The following EEA1 variants were observed in gnomAD, a reference collection of about 807,000 sequenced individuals.
The protein encoded by EEA1 is early endosome antigen 1, 162kD.
Under a neutral mutation model 209.2 loss-of-function variants are expected in EEA1, and 111 were observed. The ratio of observed to expected loss-of-function variants is 0.53; its 90% CI spans 0.45 to 0.62. EEA1 has a LOEUF of 0.62. Ranked by LOEUF, EEA1 falls within the 20% of genes least tolerant of loss-of-function variation. EEA1 has a pLI of 0.00. For synonymous variants in EEA1, 536 were observed against 540.6 expected, an observed-to-expected ratio of 0.99 and a Z score of 0.12; for missense variants, 1,343 against 1,530.8, an observed-to-expected ratio of 0.88 and a Z score of 2.05.
At chr12:92,840,413 A>T (rs1385030611) in intron 10 of EEA1, among the ~76,000 whole-genome samples, 1 of 152,130 alleles carries the variant, frequency 6.6e-6, no homozygotes, top group Non-Finnish European at 1.5e-5. Context: ...CCCATGTTCA[A>T]GTGATTCTCC....
In EEA1 at chr12:92,787,998, G is replaced by C; in HGVS notation, c.3019C>G (p.Leu1007Val). 1.2e-6 allele frequency: 2 copies of C among 1,610,670 alleles called. No homozygotes were observed. Among genetic ancestry groups the C allele is most frequent in the Non-Finnish European group, 1.7e-6 (2 of 1,178,406 alleles). Residue 1007 changes from leucine to valine, a missense_variant, in exon 22 of 29, where the codon CTT becomes GTT. Transcript: ENST00000322349. ...GATATTTTCTCTTTCTCTGCTGCAAGTTCCTGGGCTGCCTGTGTTAACTGC... is the reference window on the plus strand; with the variant it reads ...GATATTTTCTCTTTCTCTGCTGCAACTTCCTGGGCTGCCTGTGTTAACTGC... ...QQQLTQAAQE[L>V]AAEKEKISVL...
intron 21 of EEA1, among the ~76,000 whole-genome samples, chr12:92,791,457 AC>A (rs1379849716): frequency 1.3e-5 from 2 of 152,190 alleles, no homozygotes; most frequent in African/African-American, 4.8e-5. Context: ...AAGCAAAAAA[AC>A]ACCAGGGGTT....
intron 20 of EEA1, among the ~76,000 whole-genome samples, chr12:92,801,166 A>G (rs966329386): frequency 6.6e-6 from 1 of 152,160 alleles, no homozygotes; most frequent in Non-Finnish European, 1.5e-5. Flanking sequence ...ATACATTAGT[A>G]TGTGTATAAA....
At chr12:92,786,833 T>C (rs1423587548) in intron 22 of EEA1, among the ~76,000 whole-genome samples, 1 of 152,242 alleles carries the variant, frequency 6.6e-6, no homozygotes, top group Non-Finnish European at 1.5e-5. Context: ...CCAATCATCT[T>C]TGCTAGGCAT....
chr12:92,778,731 A>C (rs1316286312), intron 25 of EEA1, among the ~76,000 whole-genome samples: 1 of 152,094 alleles, frequency 6.6e-6, no homozygotes, highest in Non-Finnish European at 1.5e-5. Context: ...GACTTTGTTC[A>C]TCATAATTTC....
chr12:92,805,294 C>T (rs1035752996), intron 18 of EEA1, among the ~76,000 whole-genome samples: 3 of 151,976 alleles, frequency 2.0e-5, no homozygotes, highest in African/African-American at 4.8e-5. Context: ...CTATAACCTC[C>T]GATTCAAAGC....
chr12:92,903,455 A>G (rs1009535107), intron 1 of EEA1, among the ~76,000 whole-genome samples: 1 of 151,674 alleles, frequency 6.6e-6, no homozygotes, highest in East Asian at 2.0e-4. Flanking sequence ...AAAATTAGCC[A>G]GGCGTGGTGG....
chr12:92,903,842 C>T (rs4322435), intron 1 of EEA1, among the ~76,000 whole-genome samples: 93,762 of 151,898 alleles, frequency 0.62, 29,691 homozygotes, highest in East Asian at 0.94. Context: ...TTTTTTGTTG[C>T]TACTTTTCCC....
intron 10 of EEA1, chr12:92,835,289 C>T (rs1876866426): frequency 4.6e-6 from 1 of 217,000 alleles, no homozygotes; most frequent in Non-Finnish European, 9.6e-6. Flanking sequence ...TTAAAATATG[C>T]TACAAAAATT....
At chr12:92,908,716 C>T (rs769412821) in intron 1 of EEA1, among the ~76,000 whole-genome samples, 2 of 151,882 alleles carry the variant, frequency 1.3e-5, no homozygotes, top group African/African-American at 2.4e-5. Context: ...AAAACATTTG[C>T]TAATGTTAAG....
rs879613161 is a variant in EEA1, at chr12:92,826,255, A to G, written c.1435T>C (p.Leu479=). The G allele has an allele frequency of 6.2e-7, 1 of 1,612,692 alleles. No individual in the cohort carries two copies. The highest frequency in any genetic ancestry group is 8.5e-7 in the Non-Finnish European group (1 of 1,179,088). The change falls in exon 13 of 29, where the codon TTG becomes CTG. Residue 479 remains leucine (L), a synonymous_variant. Coordinates refer to ENST00000322349, the MANE Select transcript of EEA1 (RefSeq NM_003566.4). ...TTTGTTTTATCTAATTGATGCTGCA[A>G]TTCTGTAGAATTTGTAACTTTTTCC... ...LKEKVTNSTE[L]QHQLDKTKQQ...
chr12:92,799,136 C>A, intron 20 of EEA1, 50 bp from the exon 21 acceptor site: 1 of 1,435,954 alleles, frequency 7.0e-7, no homozygotes. Context: ...ATTCAAAAGA[C>A]GATGTACTGA....
chr12:92,845,466 G>C (rs913170397), intron 9 of EEA1, among the ~76,000 whole-genome samples: 2 of 152,114 alleles, frequency 1.3e-5, no homozygotes, highest in Non-Finnish European at 2.9e-5. Context: ...GAAGTTCAAA[G>C]ATCTCTATTC....
At chr12:92,819,749 T>C (rs1177734372) in intron 13 of EEA1, among the ~76,000 whole-genome samples, 1 of 152,134 alleles carries the variant, frequency 6.6e-6, no homozygotes, top group Admixed American at 6.6e-5. Flanking sequence ...CCACGTTTTT[T>C]TTCTAACACT....
intron 2 of EEA1, among the ~76,000 whole-genome samples, chr12:92,865,403 A>T (rs1328093254): frequency 3.3e-5 from 5 of 151,772 alleles, no homozygotes; most frequent in African/African-American, 1.2e-4. Flanking sequence ...AAGATGAACC[A>T]CTGAGGGGGA....
At chr12:92,883,435 T>C (rs1879245144) in intron 2 of EEA1, among the ~76,000 whole-genome samples, 1 of 152,172 alleles carries the variant, frequency 6.6e-6, no homozygotes, top group African/African-American at 2.4e-5. Context: ...TTGTCAATTT[T>C]TGATTTTGTT....
At chr12:92,895,017 A>G (rs1265530963) in intron 1 of EEA1, among the ~76,000 whole-genome samples, 3 of 152,026 alleles carry the variant, frequency 2.0e-5, no homozygotes, top group Non-Finnish European at 2.9e-5. Context: ...ATGATCATTT[A>G]TACCGTTCTG....
At chr12:92,864,156 A>G (rs1453511869) in intron 3 of EEA1, among the ~76,000 whole-genome samples, 2 of 152,162 alleles carry the variant, frequency 1.3e-5, no homozygotes, top group African/African-American at 4.8e-5. Context: ...ATCAACCACA[A>G]AGTTTATATG....
intron 1 of EEA1, among the ~76,000 whole-genome samples, chr12:92,898,512 A>C (rs1393199370): frequency 6.6e-6 from 1 of 151,978 alleles, no homozygotes; most frequent in Non-Finnish European, 1.5e-5. Context: ...AAAAATACAA[A>C]AATTAGCTGG....
Sources: allele counts gnomAD v4.1 joint callset (sites outside exome capture counted in the v4.1 genomes callset), GRCh38; gene constraint gnomAD v4.1.1; transcripts MANE v1.5; gene names NCBI Gene and HGNC (gene_info 2026-07-23, HGNC 2026-07-21).